GRM8: variants seen among roughly 807,000 people sequenced by gnomAD.
GRM8 encodes glutamate metabotropic receptor 8, also known as metabotropic glutamate receptor 8.
Under a neutral mutation model 87.2 loss-of-function variants are expected in GRM8, and 47 were observed. That is an observed-to-expected ratio of 0.54 (90% confidence interval 0.43 to 0.69). GRM8 has a LOEUF of 0.69. Among genes scored for constraint, GRM8 ranks in the 30% least tolerant of loss-of-function variants. The probability of loss-of-function intolerance (pLI) is 0.00; values close to 1 mark genes in which losing one functional copy is unlikely to be tolerated. For missense variants in GRM8, 1,019 were observed against 1,139.2 expected (o/e 0.89, Z 1.52); for synonymous variants, 396 against 404.5 (o/e 0.98, Z 0.25).
At chr7:126,719,125 C>CT (rs935299030) in intron 7 of GRM8, among the ~76,000 whole-genome samples, 1 of 152,032 alleles carries the variant, frequency 6.6e-6, no homozygotes, top group African/African-American at 2.4e-5. Flanking sequence ...AACTCCAGAT[C>CT]TTTTTTTACC....
intron 8 of GRM8, among the ~76,000 whole-genome samples, chr7:126,541,413 C>T (rs1355335345): frequency 6.6e-6 from 1 of 152,156 alleles, no homozygotes; most frequent in Non-Finnish European, 1.5e-5. Flanking sequence ...TAGCAAGAAA[C>T]AGGCCAGGAA....
intron 9 of GRM8, among the ~76,000 whole-genome samples, chr7:126,479,073 C>T (rs1563052943): frequency 6.6e-6 from 1 of 152,000 alleles, no homozygotes; most frequent in Non-Finnish European, 1.5e-5. Context: ...GAAATTTTGA[C>T]AAGCCTCAAC....
At chr7:126,646,839 C>T (rs1349131704) in intron 7 of GRM8, among the ~76,000 whole-genome samples, 1 of 152,068 alleles carries the variant, frequency 6.6e-6, no homozygotes, top group Non-Finnish European at 1.5e-5. Flanking sequence ...TGGTAATACT[C>T]TTGGTGTTAT....
chr7:126,977,522 T>C (rs1365776647), intron 3 of GRM8, among the ~76,000 whole-genome samples: 1 of 152,232 alleles, frequency 6.6e-6, no homozygotes, highest in African/African-American at 2.4e-5. Context: ...TTCTTTGATA[T>C]AATTCCTAAG....
intron 3 of GRM8, among the ~76,000 whole-genome samples, chr7:127,097,724 A>T (rs1824812975): frequency 6.6e-6 from 1 of 152,224 alleles, no homozygotes; most frequent in South Asian, 2.1e-4. Context: ...CATCCATTTT[A>T]CAGACAAGGA....
chr7:127,164,348 A>AC (rs1431157745), intron 2 of GRM8, among the ~76,000 whole-genome samples: 1 of 152,132 alleles, frequency 6.6e-6, no homozygotes, highest in African/African-American at 2.4e-5. Flanking sequence ...ATAGCAGTGC[A>AC]AGAACGACTA....
At chr7:126,714,896 T>A (rs1811550555) in intron 7 of GRM8, among the ~76,000 whole-genome samples, 1 of 152,022 alleles carries the variant, frequency 6.6e-6, no homozygotes, top group Non-Finnish European at 1.5e-5. Flanking sequence ...ATTAAGAAAA[T>A]CATAAGGAAG....
At chr7:126,696,974 T>A (rs540653292) in intron 7 of GRM8, among the ~76,000 whole-genome samples, 8 of 151,970 alleles carry the variant, frequency 5.3e-5, no homozygotes, top group African/African-American at 1.9e-4. Context: ...GCAACCTAAG[T>A]GTCCCTCAAG....
At chr7:126,780,485 A>G (rs541379398) in intron 6 of GRM8, among the ~76,000 whole-genome samples, 1 of 152,312 alleles carries the variant, frequency 6.6e-6, no homozygotes, top group South Asian at 2.1e-4. Flanking sequence ...TGATATACTA[A>G]GCAGTGAGGA....
intron 9 of GRM8, among the ~76,000 whole-genome samples, chr7:126,495,305 C>A (rs1378827730): frequency 6.6e-6 from 1 of 151,892 alleles, no homozygotes; most frequent in East Asian, 1.9e-4. Context: ...ACCTAACTGG[C>A]AAAGTCAGAC....
chr7:126,838,945 AC>A (rs1280464315), intron 6 of GRM8, among the ~76,000 whole-genome samples: 1 of 152,172 alleles, frequency 6.6e-6, no homozygotes, highest in Non-Finnish European at 1.5e-5. Flanking sequence ...GGTGCAGGTG[AC>A]TGAATGGCTG....
At chr7:126,739,369 C>T (rs1356217222) in intron 7 of GRM8, among the ~76,000 whole-genome samples, 1 of 151,672 alleles carries the variant, frequency 6.6e-6, no homozygotes, top group East Asian at 1.9e-4. Flanking sequence ...AGTGAATCAC[C>T]TTGAGATTCC....
At chr7:126,996,036 A>C (rs1813147123) in intron 3 of GRM8, among the ~76,000 whole-genome samples, 1 of 152,158 alleles carries the variant, frequency 6.6e-6, no homozygotes, top group Non-Finnish European at 1.5e-5. Context: ...TGGCCAGAAG[A>C]GAGTGGCATG....
At chr7:126,449,563 T>C (rs1802393185) in intron 9 of GRM8, among the ~76,000 whole-genome samples, 1 of 151,850 alleles carries the variant, frequency 6.6e-6, no homozygotes, top group African/African-American at 2.4e-5. Flanking sequence ...GAAGAGCTGA[T>C]AGCCAGGCTC....
chr7:126,509,825 C>A (rs912665256), intron 9 of GRM8, among the ~76,000 whole-genome samples: 1 of 151,886 alleles, frequency 6.6e-6, no homozygotes, highest in Non-Finnish European at 1.5e-5. Flanking sequence ...ACCTCAGACA[C>A]CTCTACACAT....
intron 6 of GRM8, among the ~76,000 whole-genome samples, chr7:126,850,706 C>A (rs1797131226): frequency 6.6e-6 from 1 of 152,190 alleles, no homozygotes; most frequent in Admixed American, 6.5e-5. Flanking sequence ...AAAGAAGCAA[C>A]AGTTAATAAT....
chr7:126,582,853 T>C (rs1478858697), intron 8 of GRM8, among the ~76,000 whole-genome samples: 3 of 152,336 alleles, frequency 2.0e-5, no homozygotes, highest in East Asian at 3.9e-4. Flanking sequence ...GTTTACTGAA[T>C]ATTTTAAACA....
chr7:126,566,458 G>A (rs1007057864), intron 8 of GRM8, among the ~76,000 whole-genome samples: 1 of 152,098 alleles, frequency 6.6e-6, no homozygotes, highest in Non-Finnish European at 1.5e-5. Flanking sequence ...TGCATAATCA[G>A]GAAAATGCAA....
chr7:127,205,689 TGGA>T (rs1308810190), intron 2 of GRM8, among the ~76,000 whole-genome samples: 5 of 152,288 alleles, frequency 3.3e-5, no homozygotes, highest in African/African-American at 1.2e-4. Flanking sequence ...GAGAGAAAGC[TGGA>T]GGCTCCCCCA....
Sources: allele counts gnomAD v4.1 joint callset (sites outside exome capture counted in the v4.1 genomes callset), GRCh38; gene constraint gnomAD v4.1.1; transcripts MANE v1.5; gene names NCBI Gene and HGNC (gene_info 2026-07-23, HGNC 2026-07-21).